SEMA3A: variants seen among roughly 807,000 people sequenced by gnomAD.
The protein encoded by SEMA3A is semaphorin 3A, also known as semaphorin-3A.
In SEMA3A, 29 loss-of-function variants were observed where a neutral mutation model predicts 97.9. That is an observed-to-expected ratio of 0.30 (90% CI 0.22 to 0.40). The LOEUF (loss-of-function observed/expected upper bound fraction) is 0.40, where lower values mean the gene tolerates loss of function less well. SEMA3A is among the 10% of genes least tolerant of loss of function. SEMA3A has a pLI of 1.00. For synonymous variants in SEMA3A, 321 were observed against 323.7 expected (o/e 0.99, Z 0.09); for missense variants, 763 against 951.3 (o/e 0.80, Z 2.60).
At chr7:84,031,933 A>G (rs1247935646) in intron 6 of SEMA3A, among the ~76,000 whole-genome samples, 1 of 152,260 alleles carries the variant, frequency 6.6e-6, no homozygotes, top group Non-Finnish European at 1.5e-5. Context: ...ATCTACAGAT[A>G]AAAACATTGG....
intron 4 of SEMA3A, among the ~76,000 whole-genome samples, chr7:84,093,093 C>T (rs959882227): frequency 2.6e-5 from 4 of 152,018 alleles, no homozygotes; most frequent in Admixed American, 6.6e-5. Flanking sequence ...TTTTGAGAGA[C>T]TCCTTTGGTG....
intron 3 of SEMA3A, among the ~76,000 whole-genome samples, chr7:84,266,883 A>G (rs1311658360): frequency 6.6e-6 from 1 of 152,206 alleles, no homozygotes; most frequent in Non-Finnish European, 1.5e-5. Flanking sequence ...TATCATTATT[A>G]TAGACACAAT....
At chr7:83,974,141 G>C (rs564406350) in intron 15 of SEMA3A, among the ~76,000 whole-genome samples, 4 of 152,148 alleles carry the variant, frequency 2.6e-5, no homozygotes, top group Non-Finnish European at 5.9e-5. Context: ...GACAAGAGTT[G>C]CCAGCACACA....
chr7:84,409,952 T>G (rs1371844170), intron 1 of SEMA3A, among the ~76,000 whole-genome samples: 1 of 152,142 alleles, frequency 6.6e-6, no homozygotes, highest in African/African-American at 2.4e-5. Flanking sequence ...ATGTAAATTT[T>G]ACTTAATCTT....
chr7:84,458,709 G>T (rs1050119820), intron 1 of SEMA3A, among the ~76,000 whole-genome samples: 4 of 151,760 alleles, frequency 2.6e-5, no homozygotes, highest in Non-Finnish European at 5.9e-5. Flanking sequence ...ATCATATTTC[G>T]GTGGTATATG....
At chr7:84,026,592 A>T (rs1791554871) in intron 6 of SEMA3A, among the ~76,000 whole-genome samples, 1 of 152,162 alleles carries the variant, frequency 6.6e-6, no homozygotes, top group Non-Finnish European at 1.5e-5. Flanking sequence ...CATGGAATCA[A>T]CCTAAATGCC....
Position 84,425,432 on chromosome 7 carries a change from A to C in SEMA3A, c.-245-53532T>G, listed in dbSNP as rs544802920. The stretch of plus-strand genomic sequence containing the variant: ...ATATGCCTATATTTATATGAATATA[A>C]ATATAGGCATATATTTATATGCATA... On this transcript the variant is annotated intron_variant, in intron 1 of 3. Transcript: ENST00000424555. Among the ~76,000 whole-genome samples, 1,255 of 130,984 alleles carry C rather than the reference A, an allele frequency of 9.6e-3. 14 individuals carry two copies. Among genetic ancestry groups the C allele is most frequent in the South Asian group, 0.022 (92 of 4,216 alleles). 85.9% of individuals were successfully genotyped at this position (130,984 alleles called of 152,430 possible).
chr7:84,224,933 A>G (rs1204594212), intron 3 of SEMA3A, among the ~76,000 whole-genome samples: 3 of 151,914 alleles, frequency 2.0e-5, no homozygotes, highest in African/African-American at 7.3e-5. Context: ...TGCTATGAAA[A>G]TAAGATGATC....
chr7:84,185,253 G>T (rs190546257), intron 1 of SEMA3A, among the ~76,000 whole-genome samples: 2 of 152,058 alleles, frequency 1.3e-5, no homozygotes, highest in Admixed American at 6.6e-5. Context: ...CAAAATTCCA[G>T]AAGTGACTTT....
intron 6 of SEMA3A, among the ~76,000 whole-genome samples, chr7:84,029,588 T>C (rs1791664283): frequency 6.6e-6 from 1 of 152,176 alleles, no homozygotes; most frequent in Admixed American, 6.5e-5. Flanking sequence ...CTTCAATAAA[T>C]AAATTCATAT....
chr7:84,050,075 T>C (rs1158019006), intron 5 of SEMA3A, among the ~76,000 whole-genome samples: 2 of 151,592 alleles, frequency 1.3e-5, no homozygotes, highest in Non-Finnish European at 2.9e-5. Flanking sequence ...TAGTATTCCA[T>C]GGTGTATATG....
At chr7:84,449,870 T>A (rs775840459) in intron 1 of SEMA3A, among the ~76,000 whole-genome samples, 1 of 152,178 alleles carries the variant, frequency 6.6e-6, no homozygotes, top group Non-Finnish European at 1.5e-5. Flanking sequence ...TCACTTAGCA[T>A]AATATCCTCA....
At chr7:84,387,456 G>A (rs1449139598) in intron 1 of SEMA3A, among the ~76,000 whole-genome samples, 1 of 152,110 alleles carries the variant, frequency 6.6e-6, no homozygotes, top group Non-Finnish European at 1.5e-5. Context: ...AGGTGAAAAG[G>A]TTAGGAGAAG....
intron 1 of SEMA3A, among the ~76,000 whole-genome samples, chr7:84,441,161 T>C (rs2116340445): frequency 6.6e-6 from 1 of 150,592 alleles, no homozygotes; most frequent in South Asian, 2.1e-4. Flanking sequence ...TCCATCTCAA[T>C]AAAAAATAAA....
At chr7:84,364,639 AC>A (rs1802802207) in intron 2 of SEMA3A, among the ~76,000 whole-genome samples, 1 of 151,772 alleles carries the variant, frequency 6.6e-6, no homozygotes, top group Non-Finnish European at 1.5e-5. Flanking sequence ...ATAGCAAAAA[AC>A]AATTTTCTAC....
At chr7:84,255,382 C>T (rs1440304834) in intron 3 of SEMA3A, among the ~76,000 whole-genome samples, 1 of 151,924 alleles carries the variant, frequency 6.6e-6, no homozygotes, top group Non-Finnish European at 1.5e-5. Flanking sequence ...TCCATCCAGA[C>T]TATCTCCCCC....
chr7:84,407,342 T>C (rs1246177073), intron 1 of SEMA3A, among the ~76,000 whole-genome samples: 6 of 152,116 alleles, frequency 3.9e-5, no homozygotes, highest in African/African-American at 7.2e-5. Flanking sequence ...ACAAGGGATA[T>C]GAAGGACCTC....
intron 12 of SEMA3A, among the ~76,000 whole-genome samples, chr7:83,987,083 C>A (rs891084089): frequency 6.7e-6 from 1 of 150,054 alleles, no homozygotes; most frequent in Admixed American, 6.7e-5. Flanking sequence ...TATATTTATA[C>A]ACATCTTATC....
At chr7:84,404,298 T>C (rs1804001376) in intron 1 of SEMA3A, among the ~76,000 whole-genome samples, 1 of 151,992 alleles carries the variant, frequency 6.6e-6, no homozygotes, top group Admixed American at 6.6e-5. Context: ...GTATCAGCGA[T>C]GGAAGACAAA....
Sources: allele counts gnomAD v4.1 joint callset (sites outside exome capture counted in the v4.1 genomes callset), GRCh38; gene constraint gnomAD v4.1.1; transcripts MANE v1.5; gene names NCBI Gene and HGNC (gene_info 2026-07-23, HGNC 2026-07-21).